Variants in PLD1 observed in about 807,000 individuals in gnomAD.
The protein encoded by PLD1 is phospholipase D1.
In PLD1, 112 loss-of-function variants were observed where a neutral mutation model predicts 137.1. The observed-to-expected ratio is 0.82, with a 90% CI of 0.70 to 0.96. PLD1 has a LOEUF of 0.96. PLD1 is among the 40% of genes least tolerant of loss of function. The pLI, the probability that PLD1 is intolerant of heterozygous loss-of-function variation, is 0.00. For synonymous variants in PLD1, 431 were observed against 454.7 expected, an observed-to-expected ratio of 0.95 and a Z score of 0.66; for missense variants, 1,321 against 1,342.0, an observed-to-expected ratio of 0.98 and a Z score of 0.24.
chr3:171,605,584 C>A (rs1732143677), intron 25 of PLD1, among the ~76,000 whole-genome samples, 168 bp from the exon 26 acceptor site: 1 of 152,168 alleles, frequency 6.6e-6, no homozygotes, highest in Admixed American at 6.5e-5. Context: ...ATAAAAGAAA[C>A]TATTGTCTGA....
rs1578109147 is a variant in PLD1, at chr3:171,616,192, GTTCT to G, written c.2729-3764_2729-3761del. Among the ~76,000 whole-genome samples, 4 of 152,246 alleles carry G rather than the reference GTTCT, an allele frequency of 2.6e-5. No individual in the cohort carries two copies. In the East Asian group the frequency reaches 7.7e-4, roughly 29 times the overall value. Reference sequence around the variant, plus strand: ...TGTTTTTTCTTATTGATTTATAGGAGTTCTTTATGTGTTCTGTGTATTAAATGGG... The same window carrying G: ...TGTTTTTTCTTATTGATTTATAGGAGTTATGTGTTCTGTGTATTAAATGGG... On this transcript the variant is annotated intron_variant, in intron 24 of 26. Transcript: ENST00000351298.
intron 18 of PLD1, among the ~76,000 whole-genome samples, chr3:171,674,996 A>G (rs1025548741): frequency 4.7e-5 from 7 of 149,742 alleles, no homozygotes; most frequent in East Asian, 1.9e-4. Flanking sequence ...AAAAAAAAAA[A>G]AAAGAAAAAG....
At chr3:171,765,006 GA>G (rs1560290181) in intron 1 of PLD1, 46 of 140,814 alleles carry the variant, frequency 3.3e-4, no homozygotes, top group African/African-American at 1.1e-3. Flanking sequence ...AAGAAAGAAA[GA>G]GAAAAAGAAA....
intron 19 of PLD1, among the ~76,000 whole-genome samples, chr3:171,671,211 C>T (rs550660623): frequency 3.9e-5 from 6 of 152,220 alleles, no homozygotes; most frequent in African/African-American, 1.2e-4. Flanking sequence ...CACTGCCTAG[C>T]GACACTTTTA....
chr3:171,653,854 T>A (rs1736984139), intron 21 of PLD1: 1 of 176,910 alleles, frequency 5.7e-6, no homozygotes, highest in Non-Finnish European at 1.2e-5. Context: ...TATTCGTGGT[T>A]GGTGAAGAAA....
chr3:171,608,585 T>C (rs187121546), intron 25 of PLD1, among the ~76,000 whole-genome samples: 2 of 152,284 alleles, frequency 1.3e-5, no homozygotes, highest in East Asian at 1.9e-4. Flanking sequence ...ACTTTCAATA[T>C]GGCATAACAG....
intron 8 of PLD1, among the ~76,000 whole-genome samples, chr3:171,724,296 C>A (rs1158012758): frequency 6.6e-6 from 1 of 152,184 alleles, no homozygotes; most frequent in Non-Finnish European, 1.5e-5. Context: ...TTTCTCTACA[C>A]CCTCACCACC....
chr3:171,658,146 G>A (rs1196924096), intron 21 of PLD1, among the ~76,000 whole-genome samples: 6 of 151,998 alleles, frequency 3.9e-5, no homozygotes, highest in Non-Finnish European at 8.8e-5. Flanking sequence ...CTACTAGAAT[G>A]ACTATAATCA....
Position 171,711,574 on chromosome 3 carries a change from T to C in PLD1, c.912-1865A>G, listed in dbSNP as rs902653112. Among the ~76,000 whole-genome samples, 8 of 152,110 alleles carry C rather than the reference T, an allele frequency of 5.3e-5. 1 individual carries two copies. Among genetic ancestry groups the C allele is most frequent in the African/African-American group, 1.9e-4 (8 of 41,424 alleles). ...ATCGATTCCTATTAACAAATGGACA[T>C]GAGTATCCTTTCAGGCATTCCTAAG... On this transcript the variant is annotated intron_variant, in intron 9 of 26. Coordinates refer to ENST00000351298, the MANE Select transcript of PLD1 (RefSeq NM_002662.5).
chr3:171,705,847 C>T (rs951590325), intron 11 of PLD1, among the ~76,000 whole-genome samples: 3 of 152,146 alleles, frequency 2.0e-5, no homozygotes, highest in African/African-American at 7.2e-5. Flanking sequence ...TAGGTGTCAA[C>T]AAACTATAGC....
chr3:171,620,563 C>T (rs1363977275), intron 23 of PLD1, 43 bp from the exon 24 acceptor site: 7 of 1,235,126 alleles, frequency 5.7e-6, no homozygotes, highest in African/African-American at 1.5e-5. Flanking sequence ...TATGACCAAG[C>T]TCAATAAACG....
At chr3:171,710,217 C>G (rs1717058997) in intron 9 of PLD1, among the ~76,000 whole-genome samples, 1 of 152,122 alleles carries the variant, frequency 6.6e-6, no homozygotes, top group Non-Finnish European at 1.5e-5. Context: ...CCCGCCACCA[C>G]GCCCGGCTAA....
intron 1 of PLD1, among the ~76,000 whole-genome samples, chr3:171,804,490 G>T (rs56221325): frequency 3.3e-5 from 5 of 151,936 alleles, no homozygotes; most frequent in Non-Finnish European, 7.4e-5. Context: ...CACATCTATT[G>T]TACACTACAA....
intron 3 of PLD1, among the ~76,000 whole-genome samples, chr3:171,736,908 A>G (rs1719400166): frequency 6.6e-6 from 1 of 152,206 alleles, no homozygotes; most frequent in Middle Eastern, 3.2e-3. Flanking sequence ...TCCATTTCAA[A>G]GGGCATAACT....
intron 23 of PLD1, among the ~76,000 whole-genome samples, chr3:171,639,676 A>C (rs1471186666): frequency 8.2e-6 from 1 of 122,426 alleles, no homozygotes; most frequent in African/African-American, 3.2e-5. Context: ...AATATATATT[A>C]TATATAATAC....
intron 1 of PLD1, among the ~76,000 whole-genome samples, chr3:171,756,844 CA>C (rs1202985794): frequency 6.6e-6 from 1 of 152,210 alleles, no homozygotes; most frequent in Non-Finnish European, 1.5e-5. Flanking sequence ...CAAAAATCTG[CA>C]AAGACAACTC....
intron 8 of PLD1, among the ~76,000 whole-genome samples, chr3:171,715,983 G>A (rs1560245507): frequency 6.8e-6 from 1 of 146,958 alleles, no homozygotes; most frequent in African/African-American, 2.5e-5. Flanking sequence ...ATGAGTTCTC[G>A]TTATTTAGCT....
intron 1 of PLD1, among the ~76,000 whole-genome samples, chr3:171,745,414 C>T (rs538604663): frequency 6.6e-6 from 1 of 152,182 alleles, no homozygotes; most frequent in Non-Finnish European, 1.5e-5. Context: ...CCATCTGCAT[C>T]CCTGGCCTCT....
intron 21 of PLD1, among the ~76,000 whole-genome samples, chr3:171,651,271 T>A (rs1306422532): frequency 3.3e-5 from 5 of 152,156 alleles, no homozygotes; most frequent in East Asian, 1.9e-4. Context: ...CGTTGTAGAT[T>A]TTGCAGCAGT....
Sources: allele counts gnomAD v4.1 joint callset (sites outside exome capture counted in the v4.1 genomes callset), GRCh38; gene constraint gnomAD v4.1.1; transcripts MANE v1.5; gene names NCBI Gene and HGNC (gene_info 2026-07-23, HGNC 2026-07-21).